Variants in CTNNA3 observed in about 807,000 individuals in gnomAD.
CTNNA3 encodes catenin alpha 3, also known as catenin alpha-3.
A neutral mutation model predicts 95.7 loss-of-function variants in CTNNA3; 76 were observed. The ratio of observed to expected loss-of-function variants is 0.79; its 90% CI spans 0.66 to 0.96. The LOEUF is 0.96. Among genes scored for constraint, CTNNA3 ranks in the 40% least tolerant of loss-of-function variants. The pLI, the probability that CTNNA3 is intolerant of heterozygous loss-of-function variation, is 0.00. For synonymous variants in CTNNA3, 431 were observed against 374.4 expected (o/e 1.15, Z -1.74); for missense variants, 1,191 against 1,089.8 (o/e 1.09, Z -1.31).
At chr10:65,959,435 T>C (rs928460977) in intron 17 of CTNNA3, among the ~76,000 whole-genome samples, 2 of 152,104 alleles carry the variant, frequency 1.3e-5, no homozygotes, top group Non-Finnish European at 2.9e-5. Context: ...AGTACCTCAG[T>C]TGGAAATGCA....
At chr10:67,685,082 A>G (rs549626859) in intron 1 of CTNNA3, among the ~76,000 whole-genome samples, 5 of 152,280 alleles carry the variant, frequency 3.3e-5, no homozygotes, top group African/African-American at 1.2e-4. Context: ...TCTATTTGGG[A>G]TTGTAGAGTA....
intron 11 of CTNNA3, among the ~76,000 whole-genome samples, chr10:66,429,483 C>T (rs574569055): frequency 1.2e-4 from 19 of 152,214 alleles, no homozygotes; most frequent in East Asian, 7.7e-4. Flanking sequence ...CCCTGATGAA[C>T]GTCAATGCAA....
chr10:66,247,753 C>T (rs2132059456), intron 13 of CTNNA3, among the ~76,000 whole-genome samples: 1 of 152,212 alleles, frequency 6.6e-6, no homozygotes, highest in Non-Finnish European at 1.5e-5. Flanking sequence ...GTGAAAATAT[C>T]CTCAAGCCTA....
rs1244325632 is a variant in CTNNA3, at chr10:67,436,944, A to T, written c.579+84898T>A. Among the ~76,000 whole-genome samples the T allele has an allele frequency of 2.6e-5, 4 of 152,202 alleles. No homozygotes were observed. In the East Asian group the frequency reaches 7.7e-4, roughly 29 times the overall value. ...TTCTTAAAGAACTGAAAGTAGAGCT[A>T]CCATTTGATCCAGCAATCCCACTAA... is the stretch of plus-strand genomic sequence containing the variant. On this transcript the variant is annotated intron_variant, in intron 5 of 17. Transcript: ENST00000433211.
intron 17 of CTNNA3, among the ~76,000 whole-genome samples, chr10:65,945,515 G>A (rs2077502738): frequency 6.6e-6 from 1 of 152,168 alleles, no homozygotes; most frequent in Middle Eastern, 3.2e-3. Context: ...TGATTCTGGT[G>A]TACTAGGGTT....
chr10:67,450,344 C>A (rs1390608862), intron 5 of CTNNA3, among the ~76,000 whole-genome samples: 3 of 152,158 alleles, frequency 2.0e-5, no homozygotes, highest in Non-Finnish European at 4.4e-5. Context: ...GACATATGCA[C>A]ATGAATGTTC....
At chr10:66,908,961 AAC>A (rs930825779) in intron 7 of CTNNA3, among the ~76,000 whole-genome samples, 1 of 152,214 alleles carries the variant, frequency 6.6e-6, no homozygotes, top group African/African-American at 2.4e-5. Context: ...CCAGATTACA[AAC>A]AGTCATTTAA....
chr10:67,267,618 G>C (rs1030362368), intron 5 of CTNNA3, among the ~76,000 whole-genome samples: 1 of 151,840 alleles, frequency 6.6e-6, no homozygotes, highest in South Asian at 2.1e-4. Context: ...CACCCACCTC[G>C]GCCTCCCAAA....
At chr10:67,697,683 G>T (rs1840993247), upstream of CTNNA3, among the ~76,000 whole-genome samples, 1 of 151,942 alleles carries the variant, frequency 6.6e-6, no homozygotes, top group Admixed American at 6.6e-5. Context: ...TACAGAATTT[G>T]GTGTTATCAA....
intron 13 of CTNNA3, among the ~76,000 whole-genome samples, chr10:66,223,524 A>T (rs1005573679): frequency 3.3e-5 from 5 of 152,228 alleles, no homozygotes; most frequent in Non-Finnish European, 7.3e-5. Flanking sequence ...TTTGCACAAG[A>T]TTTACCACCA....
intron 7 of CTNNA3, among the ~76,000 whole-genome samples, chr10:66,822,434 T>C (rs1194128792): frequency 6.6e-6 from 1 of 152,198 alleles, no homozygotes; most frequent in African/African-American, 2.4e-5. Context: ...ATTTTCTGGA[T>C]ACTTTCAGAG....
At position 66,840,323 on chromosome 10, in the gene CTNNA3, A is replaced by ATCTCTCTCTCTC. The variant is rs71035189; in HGVS notation, c.1048-64811_1048-64800dup. ...CCTGCATTTCTTCTTCCAAGAAGCCATCTCTCTCTCTCTCTCTCTCTCTCT... is the reference window on the plus strand; with the variant it reads ...CCTGCATTTCTTCTTCCAAGAAGCCATCTCTCTCTCTCTCTCTCTCTCTCTCTCTCTCTCTCT... On this transcript the variant is annotated intron_variant, in intron 7 of 17. Coordinates refer to ENST00000433211, the MANE Select transcript of CTNNA3 (RefSeq NM_013266.4). 9.4e-4 allele frequency among the ~76,000 whole-genome samples: 85 copies of ATCTCTCTCTCTC among 90,652 alleles called. 1 individual carries two copies. Among genetic ancestry groups the ATCTCTCTCTCTC allele is most frequent in the East Asian group, 6.1e-3 (10 of 1,646 alleles). The allele number at this position is 90,652 out of a possible 152,430, so 59.5% of individuals were successfully genotyped here.
chr10:67,356,091 C>T (rs564171236), intron 5 of CTNNA3, among the ~76,000 whole-genome samples: 76 of 152,116 alleles, frequency 5.0e-4, no homozygotes, highest in African/African-American at 1.8e-3. Context: ...CTGGTCTATG[C>T]ATCCTTAATT....
chr10:66,601,998 T>G (rs1843944494), intron 10 of CTNNA3, among the ~76,000 whole-genome samples: 1 of 151,926 alleles, frequency 6.6e-6, no homozygotes, highest in Non-Finnish European at 1.5e-5. Context: ...ACTAGCATTG[T>G]CAGTTATGAC....
At chr10:66,725,271 A>T (rs111347256) in intron 9 of CTNNA3, among the ~76,000 whole-genome samples, 1 of 152,118 alleles carries the variant, frequency 6.6e-6, no homozygotes, top group Non-Finnish European at 1.5e-5. Flanking sequence ...GCTATTTTCT[A>T]TCTTAAGATC....
At chr10:66,147,787 T>TGTATGTATAGTATGTATGTATA (rs2083977435) in intron 13 of CTNNA3, among the ~76,000 whole-genome samples, 1 of 149,586 alleles carries the variant, frequency 6.7e-6, no homozygotes, top group Non-Finnish European at 1.5e-5. Flanking sequence ...ATGTATAGTA[T>TGTATGTATAGTATGTATGTATA]GTATGTATAG....
intron 7 of CTNNA3, among the ~76,000 whole-genome samples, chr10:66,913,064 C>T (rs1187255668): frequency 6.6e-6 from 1 of 151,558 alleles, no homozygotes; most frequent in African/African-American, 2.4e-5. Context: ...ACGGTGAAAC[C>T]CCGTCTCTAC....
chr10:66,050,306 G>C (rs1291209080), intron 15 of CTNNA3, among the ~76,000 whole-genome samples: 1 of 149,862 alleles, frequency 6.7e-6, no homozygotes, highest in Non-Finnish European at 1.5e-5. Context: ...ATCATCCTCA[G>C]AATTATCTTT....
At chr10:67,218,496 G>A (rs993527440) in intron 6 of CTNNA3, among the ~76,000 whole-genome samples, 1 of 152,060 alleles carries the variant, frequency 6.6e-6, no homozygotes, top group Admixed American at 6.6e-5. Context: ...TAGGCTTTGC[G>A]GGTCTAGCTG....
Sources: gnomAD v4.1 joint callset for allele counts (sites outside exome capture counted in the v4.1 genomes callset) on GRCh38, gnomAD v4.1.1 for gene constraint, MANE v1.5 for transcripts, NCBI Gene and HGNC (gene_info 2026-07-23, HGNC 2026-07-21) for gene names.